The following PLCXD3 variants were observed in gnomAD, a reference collection of about 807,000 sequenced individuals.
PLCXD3 encodes the protein phosphatidylinositol specific phospholipase C X domain containing 3, also known as PI-PLC X domain-containing protein 3.
A neutral mutation model predicts 25.5 loss-of-function variants in PLCXD3; 19 were observed. The observed-to-expected ratio is 0.75, with a 90% CI of 0.52 to 1.09. The LOEUF (loss-of-function observed/expected upper bound fraction) is 1.09, where lower values mean the gene tolerates loss of function less well. Among genes scored for constraint, PLCXD3 ranks in the 50% least tolerant of loss-of-function variants. The pLI is 0.00. For missense variants in PLCXD3, 411 were observed against 388.1 expected (o/e 1.06, Z -0.50); for synonymous variants, 174 against 137.6 (o/e 1.26, Z -1.85).
At chr5:41,509,695 T>A (rs1738989783) in intron 1 of PLCXD3, among the ~76,000 whole-genome samples, 1 of 152,204 alleles carries the variant, frequency 6.6e-6, no homozygotes, top group Non-Finnish European at 1.5e-5. Flanking sequence ...GCAGTAAACA[T>A]ACGGTCCGCA....
At chr5:41,416,467 T>G (rs962750243) in intron 1 of PLCXD3, among the ~76,000 whole-genome samples, 1 of 152,182 alleles carries the variant, frequency 6.6e-6, no homozygotes, top group Non-Finnish European at 1.5e-5. Context: ...TCTCAGACCA[T>G]CTCCTACTTT....
intron 2 of PLCXD3, among the ~76,000 whole-genome samples, chr5:41,323,088 G>T (rs938063946): frequency 6.6e-6 from 1 of 152,098 alleles, no homozygotes; most frequent in South Asian, 2.1e-4. Flanking sequence ...TGGAACTGGA[G>T]ATCATTATGT....
intron 1 of PLCXD3, among the ~76,000 whole-genome samples, chr5:41,499,162 G>A (rs318021): frequency 0.56 from 84,955 of 150,626 alleles, 25,349 homozygotes; most frequent in African/African-American, 0.78. Flanking sequence ...AGTTAGGTTA[G>A]AAAAAACAAA....
intron 2 of PLCXD3, among the ~76,000 whole-genome samples, chr5:41,346,029 A>G (rs1156844263): frequency 2.6e-5 from 4 of 151,966 alleles, no homozygotes; most frequent in Non-Finnish European, 5.9e-5. Flanking sequence ...ACAGGCACCC[A>G]CCACCACGCC....
At chr5:41,492,360 C>G (rs569064004) in intron 1 of PLCXD3, among the ~76,000 whole-genome samples, 1 of 152,184 alleles carries the variant, frequency 6.6e-6, no homozygotes, top group East Asian at 1.9e-4. Flanking sequence ...CTCTGGCTGC[C>G]CTTAACATTT....
chr5:41,391,785 A>G (rs912836566), intron 1 of PLCXD3, among the ~76,000 whole-genome samples: 1 of 152,172 alleles, frequency 6.6e-6, no homozygotes, highest in African/African-American at 2.4e-5. Flanking sequence ...CTTGAACAGC[A>G]TTTATGGACA....
At chr5:41,477,421 T>C (rs531710280) in intron 1 of PLCXD3, among the ~76,000 whole-genome samples, 3 of 152,314 alleles carry the variant, frequency 2.0e-5, no homozygotes, top group East Asian at 3.9e-4. Flanking sequence ...CTGTCGCTCC[T>C]GGTTCAAAAA....
chr5:41,502,084 G>T (rs1748963514), intron 1 of PLCXD3, among the ~76,000 whole-genome samples: 1 of 152,120 alleles, frequency 6.6e-6, no homozygotes, highest in South Asian at 2.1e-4. Context: ...GGAGAAAACT[G>T]ATGACACAGG....
At chr5:41,370,806 T>C (rs1025808366) in intron 2 of PLCXD3, among the ~76,000 whole-genome samples, 1 of 152,180 alleles carries the variant, frequency 6.6e-6, no homozygotes, top group Admixed American at 6.5e-5. Flanking sequence ...AATGTGACAG[T>C]CTGCATCCCA....
At chr5:41,358,862 A>G (rs1337017722) in intron 2 of PLCXD3, among the ~76,000 whole-genome samples, 1 of 152,140 alleles carries the variant, frequency 6.6e-6, no homozygotes, top group Non-Finnish European at 1.5e-5. Context: ...TTTGTCACAC[A>G]TGGCTTTTAT....
intron 2 of PLCXD3, among the ~76,000 whole-genome samples, chr5:41,372,507 T>C (rs1389698888): frequency 1.3e-5 from 2 of 152,150 alleles, no homozygotes; most frequent in Admixed American, 1.3e-4. Flanking sequence ...AGAGTTTTTA[T>C]GTGCACTCTT....
At chr5:41,319,178 A>C (rs1041803486) in intron 2 of PLCXD3, among the ~76,000 whole-genome samples, 2 of 152,198 alleles carry the variant, frequency 1.3e-5, no homozygotes, top group African/African-American at 4.8e-5. Flanking sequence ...AGAGACCTCA[A>C]CACCCTACTT....
chr5:41,344,200 A>G (rs1367751936), intron 2 of PLCXD3, among the ~76,000 whole-genome samples: 1 of 152,178 alleles, frequency 6.6e-6, no homozygotes, highest in Non-Finnish European at 1.5e-5. Context: ...CCATGAACAC[A>G]GAATAGAAGA....
In PLCXD3 at chr5:41,307,521, G is replaced by C. The variant is rs1743031428; in HGVS notation, c.*6096C>G. 6.6e-6 allele frequency: 1 copy of C among 151,988 alleles called. No homozygotes were observed. Among genetic ancestry groups the C allele is most frequent in the Non-Finnish European group, 1.5e-5 (1 of 67,978 alleles). 9.4% of individuals were successfully genotyped at this position (151,988 alleles called of 1,614,324 possible). A position where few individuals can be genotyped will look rare whatever the true frequency, so the allele number is the denominator to read the frequency against. ...TTCAATTCCAAAAAAAAATAGTACT[G>C]GTCGTTATAATTTGCTTTGACGAGT... On this transcript the variant is annotated 3_prime_UTR_variant, in exon 3 of 3. Transcript: ENST00000377801.
chr5:41,477,691 C>A (rs1439746388), intron 1 of PLCXD3, among the ~76,000 whole-genome samples: 2 of 151,728 alleles, frequency 1.3e-5, no homozygotes, highest in Middle Eastern at 3.4e-3. Context: ...AAAAAAAAAA[C>A]CTCATCTGGG....
intron 1 of PLCXD3, among the ~76,000 whole-genome samples, chr5:41,395,575 T>C (rs1037074200): frequency 6.6e-6 from 1 of 151,368 alleles, no homozygotes; most frequent in African/African-American, 2.4e-5. Context: ...TAGCCAACAA[T>C]GAAAAAAGGA....
intron 1 of PLCXD3, among the ~76,000 whole-genome samples, chr5:41,406,034 C>T (rs369095097): frequency 2.0e-5 from 3 of 152,044 alleles, no homozygotes; most frequent in Non-Finnish European, 2.9e-5. Context: ...TAAGCAAATA[C>T]GTGAATCCTG....
chr5:41,477,960 A>T (rs1419767457), intron 1 of PLCXD3, among the ~76,000 whole-genome samples: 1 of 152,226 alleles, frequency 6.6e-6, no homozygotes. Flanking sequence ...TAGAGATTTT[A>T]AGAATTAGTG....
intron 2 of PLCXD3, among the ~76,000 whole-genome samples, chr5:41,358,310 C>A (rs1433884982): frequency 6.6e-6 from 1 of 151,972 alleles, no homozygotes; most frequent in Non-Finnish European, 1.5e-5. Flanking sequence ...TTTTTTATTT[C>A]TTTTATATTT....
Sources: allele counts gnomAD v4.1 joint callset (sites outside exome capture counted in the v4.1 genomes callset), GRCh38; gene constraint gnomAD v4.1.1; transcripts MANE v1.5; gene names NCBI Gene and HGNC (gene_info 2026-07-23, HGNC 2026-07-21).